The following NCKAP5 variants were observed in gnomAD, a reference collection of about 807,000 sequenced individuals.
The protein encoded by NCKAP5 is nck-associated protein 5.
In NCKAP5, 92 loss-of-function variants were observed where a neutral mutation model predicts 167.0. The ratio of observed to expected loss-of-function variants is 0.55; its 90% CI spans 0.47 to 0.66. NCKAP5 has a LOEUF of 0.66. Among genes scored for constraint, NCKAP5 ranks in the 30% least tolerant of loss-of-function variants. The pLI, the probability that NCKAP5 is intolerant of heterozygous loss-of-function variation, is 0.00. For synonymous variants in NCKAP5, 891 were observed against 877.4 expected (o/e 1.02, Z -0.27); for missense variants, 2,378 against 2,315.0 (o/e 1.03, Z -0.56).
chr2:132,987,777 C>T (rs1559023270), intron 7 of NCKAP5, among the ~76,000 whole-genome samples: 1 of 152,166 alleles, frequency 6.6e-6, no homozygotes, highest in Non-Finnish European at 1.5e-5. Flanking sequence ...ACTCACCAAG[C>T]ACTCCATTTT....
the NCKAP5 span, among the ~76,000 whole-genome samples, chr2:133,616,301 CA>C: frequency 6.7e-6 from 1 of 149,608 alleles, no homozygotes; most frequent in East Asian, 2.0e-4. Context: ...TAACTAAAAT[CA>C]GAGCAGAACT....
chr2:132,925,341 T>G (rs1055490630), intron 8 of NCKAP5, among the ~76,000 whole-genome samples: 1 of 150,862 alleles, frequency 6.6e-6, no homozygotes, highest in Non-Finnish European at 1.5e-5. Context: ...GATCAGAAGG[T>G]CAGCAGATCA....
intron 5 of NCKAP5, among the ~76,000 whole-genome samples, chr2:133,136,845 G>A (rs759458018): frequency 1.3e-5 from 2 of 152,130 alleles, no homozygotes; most frequent in African/African-American, 2.4e-5. Flanking sequence ...GTATCTCCAC[G>A]TATTCATCAA....
intron 8 of NCKAP5, among the ~76,000 whole-genome samples, chr2:132,910,630 T>C (rs1337714112): frequency 6.6e-6 from 1 of 152,234 alleles, no homozygotes; most frequent in African/African-American, 2.4e-5. Context: ...TAGTACTCCA[T>C]TGTATATATG....
intron 7 of NCKAP5, among the ~76,000 whole-genome samples, chr2:132,969,149 T>A (rs941622116): frequency 6.6e-6 from 1 of 152,138 alleles, no homozygotes; most frequent in Non-Finnish European, 1.5e-5. Flanking sequence ...GCGATTCTCC[T>A]GTCTCAGCCT....
At chr2:132,882,281 T>A (rs1691817936) in intron 8 of NCKAP5, among the ~76,000 whole-genome samples, 1 of 152,188 alleles carries the variant, frequency 6.6e-6, no homozygotes, top group Non-Finnish European at 1.5e-5. Flanking sequence ...GGTGTTAGCC[T>A]GTATCAGTTG....
chr2:133,245,475 G>A (rs1300619992), intron 4 of NCKAP5, among the ~76,000 whole-genome samples: 3 of 152,066 alleles, frequency 2.0e-5, no homozygotes, highest in Admixed American at 2.0e-4. Context: ...CAGAAATCAG[G>A]ATAGTATTTG....
chr2:133,063,361 T>C (rs969666292), intron 6 of NCKAP5, among the ~76,000 whole-genome samples: 1 of 152,232 alleles, frequency 6.6e-6, no homozygotes, highest in African/African-American at 2.4e-5. Context: ...CAATTTATTA[T>C]CTCTGAACTG....
intron 5 of NCKAP5, among the ~76,000 whole-genome samples, chr2:133,132,513 AC>A (rs1252463827): frequency 6.0e-5 from 9 of 150,594 alleles, no homozygotes; most frequent in South Asian, 2.1e-4. Flanking sequence ...ACACACACAC[AC>A]ACAAACCCTG....
At chr2:133,205,662 T>C (rs1188191075) in intron 5 of NCKAP5, among the ~76,000 whole-genome samples, 1 of 152,174 alleles carries the variant, frequency 6.6e-6, no homozygotes, top group Non-Finnish European at 1.5e-5. Flanking sequence ...GAAAACCTTC[T>C]TGGGATTCTC....
chr2:132,878,534 G>C (rs1290098720), intron 9 of NCKAP5, among the ~76,000 whole-genome samples: 3 of 151,830 alleles, frequency 2.0e-5, no homozygotes, highest in African/African-American at 7.3e-5. Flanking sequence ...GCAGTAAACT[G>C]TGGCCCAAGA....
intron 11 of NCKAP5, among the ~76,000 whole-genome samples, chr2:132,819,585 C>G (rs942802541): frequency 6.6e-6 from 1 of 152,022 alleles, no homozygotes; most frequent in South Asian, 2.1e-4. Flanking sequence ...GGTCATAAAG[C>G]AAAGAGCTGT....
intron 16 of NCKAP5, among the ~76,000 whole-genome samples, chr2:132,758,219 A>G (rs374513743): frequency 1.2e-4 from 19 of 152,102 alleles, no homozygotes; most frequent in African/African-American, 4.6e-4. Flanking sequence ...AATGAACCCT[A>G]TTTGGTTTGG....
chr2:133,066,184 C>A (rs1400607938), intron 6 of NCKAP5, among the ~76,000 whole-genome samples: 1 of 152,140 alleles, frequency 6.6e-6, no homozygotes, highest in Non-Finnish European at 1.5e-5. Flanking sequence ...TTTAGTACAT[C>A]AATATGGTGA....
rs868668134 is a variant in NCKAP5 at position 133,115,793 on chromosome 2, A to G, written c.341+14185T>C. Among the ~76,000 whole-genome samples the G allele has an allele frequency of 5.5e-3, 582 of 105,134 alleles. 5 individuals are homozygous for G. Among genetic ancestry groups the G allele is most frequent in the African/African-American group, 0.025 (543 of 22,110 alleles). The allele number at this position is 105,134 out of a possible 152,430, so 69.0% of individuals were successfully genotyped here. A position where few individuals can be genotyped will look rare whatever the true frequency, so the allele number is the denominator to read the frequency against. On this transcript the variant is annotated intron_variant, in intron 6 of 19. Transcript: ENST00000409261. The stretch of plus-strand genomic sequence containing the variant: ...TGTGTGTGTATATATATATATATAT[A>G]TATATATATATATATATATATATAG...
At chr2:133,018,702 A>G (rs1022453858) in intron 6 of NCKAP5, among the ~76,000 whole-genome samples, 7 of 152,220 alleles carry the variant, frequency 4.6e-5, no homozygotes, top group Non-Finnish European at 7.3e-5. Context: ...CACAACAATT[A>G]GCAGGAGACC....
chr2:133,031,156 C>T (rs142463805), intron 6 of NCKAP5, among the ~76,000 whole-genome samples: 5 of 152,146 alleles, frequency 3.3e-5, no homozygotes, highest in African/African-American at 9.6e-5. Context: ...GGAGTATTCA[C>T]AGTACCTGAT....
chr2:132,671,958 A>C lies in NCKAP5; in HGVS notation c.*1331T>G, dbSNP rs759726143. On this transcript the variant is annotated 3_prime_UTR_variant, in exon 20 of 20. Transcript: ENST00000409261. ...TCATACAATACTCTTTAAAGAAACA[A>C]TTATGTGCTAAAGTAGCCATATAGA... is the stretch of plus-strand genomic sequence containing the variant. 14 of 152,652 alleles carry C rather than the reference A, an allele frequency of 9.2e-5. No homozygotes were observed. Among genetic ancestry groups the C allele is most frequent in the Admixed American group, 3.9e-4 (6 of 15,280 alleles). 9.5% of individuals were successfully genotyped at this position (152,652 alleles called of 1,614,324 possible).
At chr2:133,674,449 G>C in the NCKAP5 span, among the ~76,000 whole-genome samples, 2 of 152,106 alleles carry the variant, frequency 1.3e-5, no homozygotes, top group Admixed American at 1.3e-4. Context: ...GTACCATCCT[G>C]AATTCTGGAA....
Sources: gnomAD v4.1 joint callset for allele counts (sites outside exome capture counted in the v4.1 genomes callset) on GRCh38, gnomAD v4.1.1 for gene constraint, MANE v1.5 for transcripts, NCBI Gene and HGNC (gene_info 2026-07-23, HGNC 2026-07-21) for gene names.